RIPOR2: variants seen among roughly 807,000 people sequenced by gnomAD.
RIPOR2 encodes RHO family interacting cell polarization regulator 2.
In RIPOR2, 39 loss-of-function variants were observed where a neutral mutation model predicts 114.5. The ratio of observed to expected loss-of-function variants is 0.34; its 90% CI spans 0.26 to 0.44. The LOEUF (loss-of-function observed/expected upper bound fraction) is 0.44, where lower values mean the gene tolerates loss of function less well. Ranked by LOEUF, RIPOR2 falls within the 20% of genes least tolerant of loss-of-function variation. RIPOR2 has a pLI of 1.00. For missense variants in RIPOR2, 1,007 were observed against 1,255.1 expected (o/e 0.80, Z 2.99); for synonymous variants, 445 against 484.4 (o/e 0.92, Z 1.07).
chr6:24,847,041 T>A (rs1762372505), intron 12 of RIPOR2, among the ~76,000 whole-genome samples: 1 of 152,214 alleles, frequency 6.6e-6, no homozygotes, highest in African/African-American at 2.4e-5. Flanking sequence ...AACCTCTGCC[T>A]CCTGGGTTCA....
chr6:24,806,704 A>G (rs1780793629), intron 21 of RIPOR2, among the ~76,000 whole-genome samples: 1 of 152,224 alleles, frequency 6.6e-6, no homozygotes, highest in African/African-American at 2.4e-5. Context: ...AAAGAATGCC[A>G]GGGTATGAAA....
Position 24,986,762 on chromosome 6 carries a change from T to C in RIPOR2, c.76+55089A>G, listed in dbSNP as rs571367442. On this transcript the variant is annotated intron_variant, in intron 1 of 13. Coordinates refer to the RIPOR2 transcript ENST00000510784. ...TGGAGATATGTAGTCTGGAGAGGAGTTGAGAAGATTAAATTGTTCAAATAT... is the reference window on the plus strand; with the variant it reads ...TGGAGATATGTAGTCTGGAGAGGAGCTGAGAAGATTAAATTGTTCAAATAT... 6.5e-4 allele frequency among the ~76,000 whole-genome samples: 98 copies of C among 151,930 alleles called. No individual in the cohort carries two copies. The Middle Eastern group carries it at 0.01, about 16-fold the overall frequency.
chr6:25,016,474 T>A (rs983250455), intron 1 of RIPOR2, among the ~76,000 whole-genome samples: 1 of 152,244 alleles, frequency 6.6e-6, no homozygotes, highest in Non-Finnish European at 1.5e-5. Context: ...TCAGTTTTCA[T>A]GACATTTGTT....
intron 14 of RIPOR2, among the ~76,000 whole-genome samples, chr6:24,837,415 C>G (rs1408204755): frequency 6.6e-6 from 1 of 150,904 alleles, no homozygotes; most frequent in Non-Finnish European, 1.5e-5. Flanking sequence ...CCACCACTCC[C>G]GGCCTTATTT....
intron 1 of RIPOR2, among the ~76,000 whole-genome samples, chr6:25,005,740 T>TATATACACAC (rs1491374316): frequency 9.6e-6 from 1 of 104,510 alleles, no homozygotes. Flanking sequence ...TATATATATA[T>TATATACACAC]ACATTTACCG....
chr6:25,006,394 C>T (rs1399192591), intron 1 of RIPOR2, among the ~76,000 whole-genome samples: 1 of 152,152 alleles, frequency 6.6e-6, no homozygotes, highest in African/African-American at 2.4e-5. Flanking sequence ...AGATAGATCT[C>T]AAACAAATAA....
At chr6:24,912,151 AAAG>A (rs1769669776) in intron 1 of RIPOR2, among the ~76,000 whole-genome samples, 2 of 152,200 alleles carry the variant, frequency 1.3e-5, no homozygotes, top group Non-Finnish European at 2.9e-5. Context: ...TGATCCCCAG[AAAG>A]AACGCCCAAG....
intron 1 of RIPOR2, among the ~76,000 whole-genome samples, chr6:24,917,134 T>C (rs1304697771): frequency 1.3e-5 from 2 of 152,092 alleles, no homozygotes; most frequent in Non-Finnish European, 2.9e-5. Flanking sequence ...CCCCGGCCCT[T>C]TTCTTGGTTT....
At chr6:25,022,842 G>T (rs1776398051) in intron 1 of RIPOR2, among the ~76,000 whole-genome samples, 1 of 151,792 alleles carries the variant, frequency 6.6e-6, no homozygotes, top group African/African-American at 2.4e-5. Flanking sequence ...GTGCAACCAT[G>T]GCTAGCCCAA....
In RIPOR2 at chr6:25,003,111, C is replaced by T. The variant is rs555346110; in HGVS notation, c.76+38740G>A. Among the ~76,000 whole-genome samples the T allele has an allele frequency of 5.9e-5, 9 of 152,132 alleles. No homozygotes were observed. The South Asian group carries it at 1.2e-3, about 21-fold the overall frequency. ...ACGATTCACTTTTATTTTTATCAAG[C>T]GGATTAGATTGTAGAGAGAAAAGAT... On this transcript the variant is annotated intron_variant, in intron 1 of 13. Transcript: ENST00000510784.
chr6:24,908,219 TA>T (rs1485163885), intron 1 of RIPOR2, among the ~76,000 whole-genome samples: 1 of 152,194 alleles, frequency 6.6e-6, no homozygotes, highest in Non-Finnish European at 1.5e-5. Context: ...ATTGTGTAAA[TA>T]AAACGGACTT....
chr6:24,894,261 T>C (rs1767638701), intron 1 of RIPOR2, among the ~76,000 whole-genome samples: 1 of 152,238 alleles, frequency 6.6e-6, no homozygotes, highest in African/African-American at 2.4e-5. Flanking sequence ...CTCTACATGC[T>C]AACAGCAACC....
At chr6:25,019,582 A>C (rs1361327324) in intron 1 of RIPOR2, among the ~76,000 whole-genome samples, 2 of 144,636 alleles carry the variant, frequency 1.4e-5, no homozygotes, top group African/African-American at 2.5e-5. Flanking sequence ...ATCCTGGCTA[A>C]CACGGTAAAA....
chr6:24,989,459 C>T (rs1048154185), intron 1 of RIPOR2, among the ~76,000 whole-genome samples: 40 of 151,506 alleles, frequency 2.6e-4, no homozygotes, highest in Non-Finnish European at 1.5e-4. Flanking sequence ...CCATGCCTGG[C>T]TATTTTTTTG....
chr6:24,834,086 A>G (rs1214744175), intron 15 of RIPOR2, among the ~76,000 whole-genome samples: 2 of 135,600 alleles, frequency 1.5e-5, no homozygotes, highest in Non-Finnish European at 3.1e-5. Flanking sequence ...TTTTGATCAG[A>G]AAAAAAAAAA....
At chr6:24,827,386 G>A (rs2113670839) in intron 18 of RIPOR2, among the ~76,000 whole-genome samples, 1 of 152,286 alleles carries the variant, frequency 6.6e-6, no homozygotes, top group South Asian at 2.1e-4. Context: ...GGTAAGCCTG[G>A]GCTTGCGCCA....
chr6:25,002,541 C>A (rs191812881), intron 1 of RIPOR2, among the ~76,000 whole-genome samples: 35 of 152,342 alleles, frequency 2.3e-4, no homozygotes, highest in Non-Finnish European at 3.8e-4. Context: ...ACTTCCTGCA[C>A]GTTTCCATAG....
At chr6:24,820,522 C>T (rs1271445759) in intron 19 of RIPOR2, among the ~76,000 whole-genome samples, 1 of 152,176 alleles carries the variant, frequency 6.6e-6, no homozygotes, top group Non-Finnish European at 1.5e-5. Flanking sequence ...TAGTCATTCC[C>T]AAGACCCTTT....
At chr6:24,894,702 A>T (rs534778123) in intron 1 of RIPOR2, among the ~76,000 whole-genome samples, 1 of 152,192 alleles carries the variant, frequency 6.6e-6, no homozygotes, top group African/African-American at 2.4e-5. Flanking sequence ...TCCCATAACC[A>T]TTCCCAACCA....
Sources: allele counts gnomAD v4.1 joint callset (sites outside exome capture counted in the v4.1 genomes callset), GRCh38; gene constraint gnomAD v4.1.1; transcripts MANE v1.5; gene names NCBI Gene and HGNC (gene_info 2026-07-23, HGNC 2026-07-21).